SCN7A: variants seen among roughly 807,000 people sequenced by gnomAD.
The protein encoded by SCN7A is sodium voltage-gated channel alpha subunit 7, also known as sodium channel protein type 7 subunit alpha.
In SCN7A, 138 loss-of-function variants were observed where a neutral mutation model predicts 155.2. The observed-to-expected ratio is 0.89, with a 90% confidence interval of 0.77 to 1.02. The LOEUF (loss-of-function observed/expected upper bound fraction) is 1.02. SCN7A is among the 50% of genes least tolerant of loss of function. The probability of loss-of-function intolerance (pLI) is 0.00; values close to 1 mark genes in which losing one functional copy is unlikely to be tolerated. For missense variants in SCN7A, 2,058 were observed against 1,986.6 expected, an observed-to-expected ratio of 1.04 and a Z score of -0.68; for synonymous variants, 693 against 649.0, an observed-to-expected ratio of 1.07 and a Z score of -1.03.
At chr2:166,450,372 A>G (rs1343663065) in intron 11 of SCN7A, among the ~76,000 whole-genome samples, 1 of 152,040 alleles carries the variant, frequency 6.6e-6, no homozygotes, top group Admixed American at 6.6e-5. Context: ...ATCGCTCACT[A>G]CCTGGGTGAT....
rs1007601859 is a variant in SCN7A at position 166,466,137 on chromosome 2, T to C, written c.665-150A>G. ...AATTATTTGGGCCTCATAAATAAAG[T>C]GAATACTAAATCAAAAGTTGAGGTT... On this transcript the variant is annotated intron_variant, in intron 7 of 25. Transcript: ENST00000643258. 4.6e-5 allele frequency: 28 copies of C among 611,930 alleles called. No individual in the cohort carries two copies. The Admixed American group carries it at 5.7e-4, about 12-fold the overall frequency. The allele number at this position is 611,930 out of a possible 1,614,324, so 37.9% of individuals were successfully genotyped here.
At chr2:166,471,436 A>C (rs1702652045) in intron 6 of SCN7A, among the ~76,000 whole-genome samples, 1 of 151,854 alleles carries the variant, frequency 6.6e-6, no homozygotes, top group Admixed American at 6.6e-5. Context: ...AAACAGCAAA[A>C]CAGCAAAGAT....
At position 166,429,044 on chromosome 2, in the gene SCN7A, AC is replaced by A. The variant is rs1432376965; in HGVS notation, c.2698+124del. ...TGTAATGGTGACACTTGTACATTTAACATGAATATTAAGAAATGTATAAAGA... is the reference window on the plus strand; with the variant it reads ...TGTAATGGTGACACTTGTACATTTAAATGAATATTAAGAAATGTATAAAGA... On this transcript the variant is annotated intron_variant, in intron 17 of 25. Coordinates refer to ENST00000643258, the MANE Select transcript of SCN7A (RefSeq NM_002976.4). The A allele has an allele frequency of 1.0e-5, 6 of 579,944 alleles. No individual in the cohort carries two copies. In the African/African-American group the frequency reaches 1.2e-4, roughly 11 times the overall value. 35.9% of individuals were successfully genotyped at this position (579,944 alleles called of 1,614,324 possible). A position where few individuals can be genotyped will look rare whatever the true frequency, so the allele number is the denominator to read the frequency against.
chr2:166,493,632 T>C (rs189173439), intron 1 of SCN7A, among the ~76,000 whole-genome samples: 65 of 152,370 alleles, frequency 4.3e-4, no homozygotes, highest in African/African-American at 1.6e-3. Flanking sequence ...CTCCATTTTA[T>C]ACTATCATTG....
At chr2:166,439,053 G>GTATATATATATATATATA (rs1283353813) in intron 15 of SCN7A, among the ~76,000 whole-genome samples, 37 of 86,080 alleles carry the variant, frequency 4.3e-4, no homozygotes, top group African/African-American at 1.8e-3. Flanking sequence ...GTGTGTGTGT[G>GTATATATATATATATATA]TGTATATATA....
chr2:166,477,788 G>A lies in SCN7A; in HGVS notation c.-14-78C>T. 4.6e-6 allele frequency: 4 copies of A among 864,988 alleles called. No individual in the cohort carries two copies. In the South Asian group the frequency reaches 8.9e-5, roughly 19 times the overall value. 53.6% of individuals were successfully genotyped at this position (864,988 alleles called of 1,614,324 possible). A position where few individuals can be genotyped will look rare whatever the true frequency, so the allele number is the denominator to read the frequency against. The stretch of plus-strand genomic sequence containing the variant: ...AAAAGATTAGGATACGAAAAATAGA[G>A]ACCAGTAAACTGAATGTATGCATTT... On this transcript the variant is annotated intron_variant, in intron 2 of 25. Transcript: ENST00000643258.
chr2:166,458,598 T>C (rs1702336386), intron 10 of SCN7A, among the ~76,000 whole-genome samples: 1 of 152,172 alleles, frequency 6.6e-6, no homozygotes, highest in African/African-American at 2.4e-5. Context: ...CCAAAGGAGC[T>C]GTTCTATATA....
chr2:166,428,594 G>C (rs762756789), intron 17 of SCN7A, among the ~76,000 whole-genome samples: 11 of 152,054 alleles, frequency 7.2e-5, no homozygotes, highest in Non-Finnish European at 1.3e-4. Flanking sequence ...TTGATATACA[G>C]GTGACAAAAC....
chr2:166,493,839 G>A (rs1242419648), intron 1 of SCN7A, 129 bp downstream of exon 1: 1 of 152,402 alleles, frequency 6.6e-6, no homozygotes, highest in Non-Finnish European at 1.5e-5. Context: ...TCAAATCTCT[G>A]TCCTCCTGCT....
At chr2:166,413,977 A>ATGTGTGTG (rs549092901) in intron 21 of SCN7A, among the ~76,000 whole-genome samples, 1 of 77,252 alleles carries the variant, frequency 1.3e-5, no homozygotes, top group East Asian at 3.3e-4. Context: ...ATATATGTGT[A>ATGTGTGTG]TGTGTATATA....
intron 5 of SCN7A, 42 bp from the exon 6 acceptor site, chr2:166,472,487 T>A (rs934056325): frequency 3.5e-6 from 5 of 1,430,288 alleles, no homozygotes; most frequent in Non-Finnish European, 4.8e-6. Context: ...GTGAGAATAA[T>A]ACATTGTCAA....
At chr2:166,460,281 G>A (rs571588949) in intron 10 of SCN7A, among the ~76,000 whole-genome samples, 1 of 152,168 alleles carries the variant, frequency 6.6e-6, no homozygotes, top group African/African-American at 2.4e-5. Flanking sequence ...CATTTTGGGG[G>A]CAATAAGTGA....
intron 1 of SCN7A, among the ~76,000 whole-genome samples, chr2:166,488,535 T>C (rs867684312): frequency 6.6e-6 from 1 of 152,174 alleles, no homozygotes; most frequent in Admixed American, 6.5e-5. Flanking sequence ...TATGACCATT[T>C]ACAGGCTGGG....
Position 166,465,933 on chromosome 2 carries a change from A to T in SCN7A, c.719T>A (p.Val240Asp). The change falls in exon 8 of 26, where the codon GTC (valine) becomes GAC (aspartate). Residue 240 changes from valine to aspartate, a missense_variant. Transcript: ENST00000643258. ...CAGAAAAAACAGAGTTAGGATAATG[A>T]CACCAATAAGCTGCTTCAAGCAGTG... The part of the protein sequence containing the change: ...LIHCLKQLIG[V>D]IILTLFFLSI... 6.2e-7 allele frequency: 1 copy of T among 1,613,672 alleles called. No individual in the cohort carries two copies. The highest frequency in any genetic ancestry group is 8.5e-7 in the Non-Finnish European group (1 of 1,179,738).
At chr2:166,410,738 TA>T (rs1701184380) in intron 23 of SCN7A, among the ~76,000 whole-genome samples, 1 of 152,046 alleles carries the variant, frequency 6.6e-6, no homozygotes, top group African/African-American at 2.4e-5. Flanking sequence ...TGATCATTTT[TA>T]TATGACTATA....
intron 21 of SCN7A, among the ~76,000 whole-genome samples, chr2:166,416,398 G>A (rs150115929): frequency 0.038 from 5,770 of 152,162 alleles, 158 homozygotes; most frequent in Non-Finnish European, 0.054. Context: ...CTGGCTTTAA[G>A]GCTCAGGTGG....
At chr2:166,472,698 A>C (rs1222489461) in intron 5 of SCN7A, among the ~76,000 whole-genome samples, 1 of 151,908 alleles carries the variant, frequency 6.6e-6, no homozygotes, top group Non-Finnish European at 1.5e-5. Context: ...TAAATAGGGT[A>C]GGCTGTGTCT....
At position 166,441,698 on chromosome 2, in the gene SCN7A, A is replaced by G. The variant is rs547296751; in HGVS notation, c.1855T>C (p.Ser619Pro). Residue 619 changes from serine (S) to proline (P), a missense_variant, in exon 15 of 26, where the codon TCT becomes CCT. By Grantham distance (74) the Ser-to-Pro change is moderately conservative. Coordinates refer to ENST00000643258, the MANE Select transcript of SCN7A (RefSeq NM_002976.4). ...YWPTFQILMW[S>P]LSNSWVALKD... ...AGGGCCACCCATGAGTTACTAAGAG[A>G]CCACATCAAAATCTGGAATGTTGGC... 6.2e-7 allele frequency: 1 copy of G among 1,613,014 alleles called. No individual in the cohort carries two copies. Among genetic ancestry groups the G allele is most frequent in the East Asian group, 2.2e-5 (1 of 44,868 alleles).
intron 21 of SCN7A, among the ~76,000 whole-genome samples, chr2:166,413,916 C>T (rs1302824285): frequency 7.5e-6 from 1 of 133,840 alleles, no homozygotes; most frequent in East Asian, 2.1e-4. Context: ...ATTGTGGGAC[C>T]CTGTGATCAT....
Sources: gnomAD v4.1 joint callset for allele counts (sites outside exome capture counted in the v4.1 genomes callset) on GRCh38, gnomAD v4.1.1 for gene constraint, MANE v1.5 for transcripts, NCBI Gene and HGNC (gene_info 2026-07-23, HGNC 2026-07-21) for gene names.